CALCA: variants seen among roughly 807,000 people sequenced by gnomAD.
CALCA encodes the protein calcitonin.
CALCA carries 4 observed loss-of-function variants against 6.9 expected under a neutral mutation model. That is an observed-to-expected ratio of 0.58 (90% CI 0.29 to 1.33). CALCA has a LOEUF of 1.33. Ranked by LOEUF, CALCA falls within the 40% of genes most tolerant of loss-of-function variation. The pLI is 0.09. For synonymous variants in CALCA, 78 were observed against 70.0 expected, an observed-to-expected ratio of 1.11 and a Z score of -0.57; for missense variants, 174 against 178.3, an observed-to-expected ratio of 0.98 and a Z score of 0.14.
At chr11:14,967,835 C>T (rs1555025685), downstream of CALCA, 1 of 1,614,204 alleles carries the variant, frequency 6.2e-7, no homozygotes, top group South Asian at 1.1e-5. Context: ...GTGTCACAGG[C>T]TCTCTTCTGG....
At position 14,970,829 on chromosome 11, in the gene CALCA, G is replaced by A. The variant is rs34252928; in HGVS notation, c.86+278C>T. 3.6e-3 allele frequency among the ~76,000 whole-genome samples: 548 copies of A among 152,276 alleles called. 4 individuals carry two copies. Among genetic ancestry groups the A allele is most frequent in the African/African-American group, 0.013 (526 of 41,550 alleles). On this transcript the variant is annotated intron_variant, in intron 2 of 3. Coordinates refer to ENST00000331587, the MANE Select transcript of CALCA (RefSeq NM_001741.3). ...GCAGGAGAATTGCTTGAACCCAGGA[G>A]ATGGAAGTTGCAGTGAGCCGACACG... is the stretch of plus-strand genomic sequence containing the variant.
In CALCA at chr11:14,971,189, C is replaced by T. The variant is rs34587547; in HGVS notation, c.4G>A (p.Gly2Ser). Residue 2 changes from glycine to serine, a missense_variant, in exon 2 of 4, where the codon GGC (glycine) becomes AGC (serine). Coordinates refer to ENST00000331587, the MANE Select transcript of CALCA (RefSeq NM_001741.3). ...AGGAAGGGGGAGAACTTTTGGAAGC[C>T]CATGACACCTCTCTGCAAGGGAAGA... M[G>S]FQKFSPFLAL... The T allele has an allele frequency of 3.1e-6, 5 of 1,613,608 alleles. No individual in the cohort carries two copies. In the African/African-American group the frequency reaches 5.3e-5, roughly 17 times the overall value.
chr11:14,967,939 A>G, downstream of CALCA: 1 of 1,525,684 alleles, frequency 6.6e-7, no homozygotes, highest in Admixed American at 1.7e-5. Flanking sequence ...TTCATGGTAA[A>G]GTTGCTGTGC....
At chr11:14,967,501 CAG>C (rs1164441999), downstream of CALCA, among the ~76,000 whole-genome samples, 2 of 152,162 alleles carry the variant, frequency 1.3e-5, no homozygotes, top group Non-Finnish European at 2.9e-5. Flanking sequence ...ACTGAAAAAA[CAG>C]AGATGAATCC....
intron 3 of CALCA, 28 bp from the exon 4 acceptor site, chr11:14,969,025 A>G (rs1379785849): frequency 6.2e-7 from 1 of 1,602,912 alleles, no homozygotes; most frequent in Admixed American, 1.7e-5. Context: ...ACCAGACAGT[A>G]CCATGCACCA....
chr11:14,970,499 A>T (rs1555026268), intron 2 of CALCA, among the ~76,000 whole-genome samples: 1 of 152,248 alleles, frequency 6.6e-6, no homozygotes, highest in Non-Finnish European at 1.5e-5. Context: ...AATAGGATGC[A>T]ATTCATTTTT....
downstream of CALCA, among the ~76,000 whole-genome samples, chr11:14,967,395 G>A (rs980764953): frequency 2.0e-5 from 3 of 152,208 alleles, no homozygotes; most frequent in South Asian, 4.2e-4. Flanking sequence ...AAACTCAAAG[G>A]CTAGAATAAT....
Position 14,970,263 on chromosome 11 carries a change from T to G in CALCA, c.87-188A>C, listed in dbSNP as rs148173087. ...CACTGGTGTGGCCTCTAAACAGTGG[T>G]GTGCTGGAGCCAGTTTGTATAGGCT... is the stretch of plus-strand genomic sequence containing the variant. On this transcript the variant is annotated intron_variant, in intron 2 of 3. Transcript: ENST00000331587. Among the ~76,000 whole-genome samples, 1,035 of 152,360 alleles carry G rather than the reference T, an allele frequency of 6.8e-3. 16 individuals are homozygous for G. The highest frequency in any genetic ancestry group is 0.023 in the African/African-American group (973 of 41,594).
downstream of CALCA, chr11:14,967,551 G>C (rs1849484076): frequency 4.5e-6 from 5 of 1,101,596 alleles, no homozygotes; most frequent in East Asian, 1.3e-4. Flanking sequence ...TCAGATACTG[G>C]TGTGGGTACC....
chr11:14,970,626 G>A (rs958655158), intron 2 of CALCA, among the ~76,000 whole-genome samples: 10 of 152,164 alleles, frequency 6.6e-5, no homozygotes, highest in African/African-American at 9.7e-5. Context: ...TAGGCCGGGC[G>A]CGGTGGCTCA....
chr11:14,967,623 C>A, downstream of CALCA: 1 of 1,603,152 alleles, frequency 6.2e-7, no homozygotes, highest in South Asian at 1.1e-5. Flanking sequence ...TTTTACACCC[C>A]TGTAAAAACC....
At chr11:14,969,692 C>T (rs556977546) in intron 3 of CALCA, among the ~76,000 whole-genome samples, 2 of 152,180 alleles carry the variant, frequency 1.3e-5, no homozygotes, top group Non-Finnish European at 2.9e-5. Flanking sequence ...CCACACCTCC[C>T]CATTTCATTT....
At chr11:14,967,835 C>G, downstream of CALCA, 1 of 1,614,204 alleles carries the variant, frequency 6.2e-7, no homozygotes, top group Non-Finnish European at 8.5e-7. Context: ...GTGTCACAGG[C>G]TCTCTTCTGG....
At position 14,968,591 on chromosome 11, in the gene CALCA, C is replaced by CGGCCCTCA. The variant is rs1282702026; in HGVS notation, c.*200_*207dup. ...GATGACATCTCTGGGGGACTCAAAG[C>CGGCCCTCA]GGCCCTCATTTTCTGGTATTTTCCC... On this transcript the variant is annotated 3_prime_UTR_variant, in exon 4 of 4. Transcript: ENST00000331587. The CGGCCCTCA allele has an allele frequency of 6.8e-7, 1 of 1,466,326 alleles. No homozygotes were observed. Among genetic ancestry groups the CGGCCCTCA allele is most frequent in the Non-Finnish European group, 9.0e-7 (1 of 1,109,384 alleles). 90.8% of individuals were successfully genotyped at this position (1,466,326 alleles called of 1,614,324 possible).
At chr11:14,972,066 G>C (rs182043571) in intron 1 of CALCA, among the ~76,000 whole-genome samples, 179 bp downstream of exon 1, 1 of 152,208 alleles carries the variant, frequency 6.6e-6, no homozygotes, top group Non-Finnish European at 1.5e-5. Context: ...CGAGCCGGGG[G>C]ATTGAGACTG....
At chr11:14,968,218 A>G, downstream of CALCA, 1 of 341,166 alleles carries the variant, frequency 2.9e-6, no homozygotes, top group Non-Finnish European at 5.6e-6. Context: ...ACAAAGGACT[A>G]TAAAATCTAC....
intron 3 of CALCA, among the ~76,000 whole-genome samples, chr11:14,969,657 A>G (rs1475398847): frequency 1.3e-5 from 2 of 152,110 alleles, no homozygotes; most frequent in African/African-American, 2.4e-5. Flanking sequence ...CAGTACTGCA[A>G]GAACAATTCC....
At chr11:14,967,664 G>A (rs1487484955), downstream of CALCA, 3 of 1,613,282 alleles carry the variant, frequency 1.9e-6, no homozygotes, top group Admixed American at 1.7e-5. Context: ...CATCATACAA[G>A]GGCAGTCACC....
downstream of CALCA, chr11:14,967,782 T>C (rs1555025663): frequency 1.2e-6 from 2 of 1,614,070 alleles, no homozygotes. Flanking sequence ...CACCCCCTGA[T>C]CTGCTCAGCA....
Sources: gnomAD v4.1 joint callset for allele counts (sites outside exome capture counted in the v4.1 genomes callset) on GRCh38, gnomAD v4.1.1 for gene constraint, MANE v1.5 for transcripts, NCBI Gene and HGNC (gene_info 2026-07-23, HGNC 2026-07-21) for gene names.